APBB2: variants seen among roughly 807,000 people sequenced by gnomAD.
The protein encoded by APBB2 is amyloid beta precursor protein binding family B member 2.
In APBB2, 38 loss-of-function variants were observed where a neutral mutation model predicts 82.5. The ratio of observed to expected loss-of-function variants is 0.46; its 90% CI spans 0.36 to 0.60. The LOEUF (loss-of-function observed/expected upper bound fraction) is 0.60. Among genes scored for constraint, APBB2 ranks in the 20% least tolerant of loss-of-function variants. The probability of loss-of-function intolerance (pLI) is 0.00; values close to 1 mark genes in which losing one functional copy is unlikely to be tolerated. For synonymous variants in APBB2, 341 were observed against 368.2 expected (o/e 0.93, Z 0.85); for missense variants, 772 against 972.3 (o/e 0.79, Z 2.74).
Position 40,810,632 on chromosome 4 carries a change from T to A in APBB2, c.*5460A>T, listed in dbSNP as rs929548736. The A allele has an allele frequency of 1.3e-5, 2 of 151,494 alleles. No individual in the cohort carries two copies. The highest frequency in any genetic ancestry group is 2.9e-5 in the Non-Finnish European group (2 of 67,910). 9.4% of individuals were successfully genotyped at this position (151,494 alleles called of 1,614,324 possible). On this transcript the variant is annotated 3_prime_UTR_variant, in exon 18 of 18. Coordinates refer to ENST00000508593, the MANE Select transcript of APBB2 (RefSeq NM_004307.2). ...AATGAAGAAAGGAAACAAGACTTTTTATAGTTGAACCAGGCTTATTGTATT... is the reference window on the plus strand; with the variant it reads ...AATGAAGAAAGGAAACAAGACTTTTAATAGTTGAACCAGGCTTATTGTATT...
Position 40,983,186 on chromosome 4 carries a change from A to T in APBB2, c.835+30397T>A, listed in dbSNP as rs566920744. On this transcript the variant is annotated intron_variant, in intron 6 of 17. Coordinates refer to ENST00000508593, the MANE Select transcript of APBB2 (RefSeq NM_004307.2). ...AAATGAGGAACAGGGAGGCAAAGTG[A>T]CTTGCCTCGGTTCATAGAAATAAAT... Among the ~76,000 whole-genome samples, 4 of 152,314 alleles carry T rather than the reference A, an allele frequency of 2.6e-5. No homozygotes were observed. In the East Asian group the frequency reaches 7.7e-4, roughly 29 times the overall value.
rs558132053 is a variant in APBB2, at chr4:41,064,823, C to T, written c.-51+753G>A. Among the ~76,000 whole-genome samples, 3 of 152,280 alleles carry T rather than the reference C, an allele frequency of 2.0e-5. No homozygotes were observed. In the South Asian group the frequency reaches 6.2e-4, roughly 32 times the overall value. On this transcript the variant is annotated intron_variant, in intron 4 of 17. Coordinates refer to ENST00000508593, the MANE Select transcript of APBB2 (RefSeq NM_004307.2). ...AACTCCCTCCCTAATACATATTAAACAGAGACATACCCAGGGGACCTCTCT... is the reference window on the plus strand; with the variant it reads ...AACTCCCTCCCTAATACATATTAAATAGAGACATACCCAGGGGACCTCTCT...
At chr4:41,153,003 T>C (rs115964222) in intron 1 of APBB2, among the ~76,000 whole-genome samples, 4,208 of 152,318 alleles carry the variant, frequency 0.028, 110 homozygotes, top group Non-Finnish European at 0.039. Context: ...TTCTGCAGAA[T>C]ATATACTTGC....
Position 40,839,326 on chromosome 4 carries a change from T to C in APBB2, c.1530-8749A>G, listed in dbSNP as rs559173678. 2.6e-5 allele frequency among the ~76,000 whole-genome samples: 4 copies of C among 151,968 alleles called. No homozygotes were observed. In the South Asian group the frequency reaches 8.3e-4, roughly 32 times the overall value. On this transcript the variant is annotated intron_variant, in intron 12 of 17. Transcript: ENST00000508593. ...TAGGATCTAGTTTTGCTTTCTGGAGTGGCACAGAACAAGTTGACCTTGTCA... is the reference window on the plus strand; with the variant it reads ...TAGGATCTAGTTTTGCTTTCTGGAGCGGCACAGAACAAGTTGACCTTGTCA...
At chr4:41,128,399 T>TC (rs1755031223) in intron 2 of APBB2, among the ~76,000 whole-genome samples, 1 of 152,160 alleles carries the variant, frequency 6.6e-6, no homozygotes, top group South Asian at 2.1e-4. Context: ...AACCCAGCAA[T>TC]CCCATTGTTG....
At chr4:40,957,879 C>T (rs940322696) in intron 6 of APBB2, among the ~76,000 whole-genome samples, 5 of 152,096 alleles carry the variant, frequency 3.3e-5, no homozygotes, top group Admixed American at 6.6e-5. Flanking sequence ...CCACCACACC[C>T]GGCCTCCACC....
At chr4:40,961,667 T>TAAAAAAA (rs60942744) in intron 6 of APBB2, among the ~76,000 whole-genome samples, 2 of 68,248 alleles carry the variant, frequency 2.9e-5, no homozygotes, top group Non-Finnish European at 5.1e-5. Flanking sequence ...AAAAAAGATG[T>TAAAAAAA]AAAAAAAAAA....
At chr4:41,032,078 TTA>T (rs1717044657) in intron 5 of APBB2, among the ~76,000 whole-genome samples, 1 of 152,182 alleles carries the variant, frequency 6.6e-6, no homozygotes, top group South Asian at 2.1e-4. Context: ...AGCTTAGTGT[TTA>T]TGTTTTATTT....
At chr4:41,045,975 T>C (rs1304501159) in intron 4 of APBB2, among the ~76,000 whole-genome samples, 1 of 151,090 alleles carries the variant, frequency 6.6e-6, no homozygotes, top group Non-Finnish European at 1.5e-5. Flanking sequence ...TTTTTTTTAA[T>C]AATGAGCATG....
intron 6 of APBB2, among the ~76,000 whole-genome samples, chr4:40,971,958 TAAG>T (rs1796027803): frequency 2.0e-5 from 3 of 152,188 alleles, no homozygotes; most frequent in Non-Finnish European, 4.4e-5. Flanking sequence ...AATTAATTCA[TAAG>T]AAGAGTGACC....
intron 4 of APBB2, 64 bp downstream of exon 4, chr4:41,065,512 T>C (rs1454795537): frequency 2.0e-5 from 3 of 152,162 alleles, no homozygotes; most frequent in African/African-American, 7.2e-5. Context: ...TTCAGTACTC[T>C]TGTGATATTC....
At chr4:41,090,663 G>T (rs987483927) in intron 3 of APBB2, among the ~76,000 whole-genome samples, 1 of 152,164 alleles carries the variant, frequency 6.6e-6, no homozygotes, top group African/African-American at 2.4e-5. Flanking sequence ...TTTAATTTAT[G>T]ATCGAAACCA....
At chr4:41,044,709 T>A (rs532734226) in intron 4 of APBB2, among the ~76,000 whole-genome samples, 19 of 152,248 alleles carry the variant, frequency 1.2e-4, no homozygotes, top group Non-Finnish European at 2.6e-4. Context: ...CTAAGAACAA[T>A]CTAATTCTCT....
intron 1 of APBB2, among the ~76,000 whole-genome samples, chr4:41,210,809 A>G (rs746588632): frequency 4.6e-5 from 7 of 152,262 alleles, no homozygotes; most frequent in African/African-American, 1.2e-4. Context: ...AGATATTTTC[A>G]TATAAGATAA....
In APBB2 at chr4:40,982,440, AGAAAGAAAGAAAGAAT is replaced by A. The variant is rs1324385631; in HGVS notation, c.835+31127_835+31142del. Reference sequence around the variant, plus strand: ...AAGAAAGAAAGAAAGAAAGAAAGAAAGAAAGAAAGAAAGAATGAATGAATTTGAGACCAGAGACCAG... The same window carrying A: ...AAGAAAGAAAGAAAGAAAGAAAGAAAGAATGAATTTGAGACCAGAGACCAG... On this transcript the variant is annotated intron_variant, in intron 6 of 17. Transcript: ENST00000508593. 2.7e-4 allele frequency among the ~76,000 whole-genome samples: 38 copies of A among 140,940 alleles called. 6 individuals are homozygous for A. Among genetic ancestry groups the A allele is most frequent in the Non-Finnish European group, 3.9e-4 (25 of 64,160 alleles). 92.5% of individuals were successfully genotyped at this position (140,940 alleles called of 152,430 possible).
At chr4:41,020,012 A>G (rs927014715) in intron 5 of APBB2, among the ~76,000 whole-genome samples, 1 of 152,170 alleles carries the variant, frequency 6.6e-6, no homozygotes, top group Non-Finnish European at 1.5e-5. Context: ...ACAGAAAGTC[A>G]AAGAGAGAAG....
At chr4:40,902,962 G>A (rs938017079) in intron 10 of APBB2, among the ~76,000 whole-genome samples, 1 of 152,138 alleles carries the variant, frequency 6.6e-6, no homozygotes, top group Non-Finnish European at 1.5e-5. Context: ...GTAACAAAGT[G>A]AGACATGGTC....
chr4:40,947,927 A>G (rs942651258), intron 6 of APBB2, among the ~76,000 whole-genome samples: 1 of 152,212 alleles, frequency 6.6e-6, no homozygotes, highest in Non-Finnish European at 1.5e-5. Context: ...GAGCAAATCA[A>G]TTAGGTCTTT....
chr4:41,187,206 T>C (rs1036029486), intron 1 of APBB2, among the ~76,000 whole-genome samples: 1 of 152,216 alleles, frequency 6.6e-6, no homozygotes, highest in African/African-American at 2.4e-5. Flanking sequence ...AGTCCTTTAC[T>C]TGCCAAATAT....
Sources: gnomAD v4.1 joint callset for allele counts (sites outside exome capture counted in the v4.1 genomes callset) on GRCh38, gnomAD v4.1.1 for gene constraint, MANE v1.5 for transcripts, NCBI Gene and HGNC (gene_info 2026-07-23, HGNC 2026-07-21) for gene names.